The following VPS13D variants were observed in gnomAD, a reference collection of about 807,000 sequenced individuals.
VPS13D encodes the protein intermembrane lipid transfer protein VPS13D.
A neutral mutation model predicts 461.9 loss-of-function variants in VPS13D; 187 were observed. The ratio of observed to expected loss-of-function variants is 0.40; its 90% CI spans 0.36 to 0.46. The LOEUF (loss-of-function observed/expected upper bound fraction) is 0.46, where lower values mean the gene tolerates loss of function less well. Among genes scored for constraint, VPS13D ranks in the 20% least tolerant of loss-of-function variants. The pLI is 0.60. For synonymous variants in VPS13D, 1,951 were observed against 1,986.3 expected (o/e 0.98, Z 0.47); for missense variants, 4,711 against 5,364.9 (o/e 0.88, Z 3.81).
chr1:12,234,393 T>G (rs1294845225), intron 2 of VPS13D, 30 bp downstream of exon 2: 2 of 1,557,584 alleles, frequency 1.3e-6, no homozygotes, highest in Non-Finnish European at 8.8e-7. Flanking sequence ...AGATACAGCT[T>G]TATAGGTGGC....
chr1:12,254,280 A>G (rs560315757), intron 7 of VPS13D, among the ~76,000 whole-genome samples: 124 of 152,236 alleles, frequency 8.1e-4, no homozygotes, highest in Middle Eastern at 3.4e-3. Context: ...TGCTCAAGCA[A>G]TCCTCCTGCT....
chr1:12,322,728 A>C lies in VPS13D; in HGVS notation c.7897A>C (p.Thr2633Pro), dbSNP rs780435604. The change falls in exon 34 of 70, where the codon ACC becomes CCC. Residue 2633 changes from threonine (T) to proline (P), a missense_variant. Physicochemically the swap from Thr to Pro is conservative, Grantham distance 38 (BLOSUM62 -1). Transcript: ENST00000620676. ...GGAAATCAGAGAAGGGACAAGACAC[A>C]CCTTAGATCCTGTCTTGGGTAGGTG... Reference protein sequence around the residue: ...GEEIREGTRHTLDPVLELQLA... With the variant: ...GEEIREGTRHPLDPVLELQLA... 6.2e-7 allele frequency: 1 copy of C among 1,614,104 alleles called. No individual in the cohort carries two copies. Among genetic ancestry groups the C allele is most frequent in the Non-Finnish European group, 8.5e-7 (1 of 1,179,964 alleles).
At chr1:12,477,580 G>A (rs899375988) in intron 67 of VPS13D, among the ~76,000 whole-genome samples, 20 of 152,098 alleles carry the variant, frequency 1.3e-4, no homozygotes, top group African/African-American at 4.8e-4. Context: ...ATGAAGTCCT[G>A]CCCATGTGAG....
chr1:12,410,268 G>A (rs987809055), intron 63 of VPS13D, among the ~76,000 whole-genome samples: 1 of 152,194 alleles, frequency 6.6e-6, no homozygotes, highest in African/African-American at 2.4e-5. Flanking sequence ...TGTGGTACTA[G>A]GGAGATTAAA....
chr1:12,398,309 A>G (rs1303393728), intron 60 of VPS13D, among the ~76,000 whole-genome samples: 2 of 151,310 alleles, frequency 1.3e-5, no homozygotes, highest in Admixed American at 6.6e-5. Context: ...TTTGTATCCC[A>G]CCTCTTCCAC....
chr1:12,334,063 A>T (rs909232447), intron 38 of VPS13D, among the ~76,000 whole-genome samples: 1 of 152,232 alleles, frequency 6.6e-6, no homozygotes, highest in African/African-American at 2.4e-5. Context: ...GCGATAACAC[A>T]TACTATTGCA....
rs1405122808 is a variant in VPS13D at position 12,260,809 on chromosome 1, A to G, written c.1212+15A>G. The G allele has an allele frequency of 2.5e-6, 4 of 1,609,904 alleles. No homozygotes were observed. The Admixed American group carries it at 5.0e-5, about 20-fold the overall frequency. On this transcript the variant is annotated intron_variant, in intron 11 of 69. Transcript: ENST00000620676. ...AACTAGCAGAGGTAAGAAATCCTCT[A>G]CAAGAGGATTTGTTCAGACCCAGCA...
rs1208500294 is a variant in VPS13D, at chr1:12,368,469, G to A, written c.10450G>A (p.Asp3484Asn). The A allele has an allele frequency of 6.2e-7, 1 of 1,610,754 alleles. No homozygotes were observed. The highest frequency in any genetic ancestry group is 1.3e-5 in the African/African-American group (1 of 74,788). Reference protein sequence around the residue: ...KNNSFHINMRDTLGKCFFLRV... With the variant: ...KNNSFHINMRNTLGKCFFLRV... ...CTCTTTTGTTTCCTTGTCCTGCAGG[G>A]ATACCTTGGGAAAATGCTTCTTCCT... is the stretch of plus-strand genomic sequence containing the variant. Residue 3484 changes from aspartate to asparagine, a missense_variant and splice_region_variant, in exon 53 of 70, where the codon GAT becomes AAT. Around this residue, in one of 3 missense-constraint regions of VPS13D, gnomAD observed 4,411 missense variants for 4,937.8 expected, o/e 0.89. Coordinates refer to ENST00000620676, the MANE Select transcript of VPS13D (RefSeq NM_015378.4).
Position 12,304,704 on chromosome 1 carries a change from G to T in VPS13D, c.6415G>T (p.Val2139Phe). The T allele has an allele frequency of 6.2e-7, 1 of 1,613,946 alleles. No homozygotes were observed. Among genetic ancestry groups the T allele is most frequent in the Non-Finnish European group, 8.5e-7 (1 of 1,180,016 alleles). The change falls in exon 26 of 70, where the codon GTT becomes TTT. Residue 2139 changes from valine to phenylalanine, a missense_variant. Physicochemically the swap from Val to Phe is conservative, Grantham distance 50 (BLOSUM62 -1). Transcript: ENST00000620676. Reference sequence around the variant, plus strand: ...GCAAGGGCCGCAACCCACACTGTCTGTTGGCCAAGAGTCCAGTAGTCCAGG... The same window carrying T: ...GCAAGGGCCGCAACCCACACTGTCTTTTGGCCAAGAGTCCAGTAGTCCAGG... ...KQQGPQPTLS[V>F]GQESSSPEDH...
At chr1:12,420,809 T>C (rs1408793049) in intron 65 of VPS13D, among the ~76,000 whole-genome samples, 1 of 152,208 alleles carries the variant, frequency 6.6e-6, no homozygotes, top group Non-Finnish European at 1.5e-5. Context: ...TAACTCCCCC[T>C]GTCACACTGG....
chr1:12,471,842 C>T (rs534303383), intron 67 of VPS13D, among the ~76,000 whole-genome samples: 8 of 151,874 alleles, frequency 5.3e-5, no homozygotes, highest in Non-Finnish European at 8.8e-5. Flanking sequence ...TATGCACATT[C>T]GTAATTTATT....
Position 12,428,710 on chromosome 1 carries a change from C to T in VPS13D, c.12333+11883C>T, listed in dbSNP as rs182827336. On this transcript the variant is annotated intron_variant, in intron 65 of 69. Coordinates refer to ENST00000620676, the MANE Select transcript of VPS13D (RefSeq NM_015378.4). ...CCCATGGCCCCGTGTGCTTCCATTACAGCAGGCACCAGATTTTACCTTGAA... is the reference window on the plus strand; with the variant it reads ...CCCATGGCCCCGTGTGCTTCCATTATAGCAGGCACCAGATTTTACCTTGAA... Among the ~76,000 whole-genome samples, 81 of 152,328 alleles carry T rather than the reference C, an allele frequency of 5.3e-4. 1 individual carries two copies. In the East Asian group the frequency reaches 0.015, roughly 28 times the overall value.
intron 40 of VPS13D, 55 bp from the exon 41 acceptor site, chr1:12,341,725 G>A (rs1332239642): frequency 6.5e-7 from 1 of 1,540,798 alleles, no homozygotes; most frequent in Admixed American, 1.7e-5. Flanking sequence ...TTGGGGGAGG[G>A]TCTCTGCCAT....
intron 67 of VPS13D, among the ~76,000 whole-genome samples, chr1:12,481,901 C>T (rs1051047621): frequency 3.9e-5 from 6 of 152,164 alleles, no homozygotes; most frequent in Non-Finnish European, 2.9e-5. Flanking sequence ...CATTGAGTAC[C>T]CCTGTCTGCA....
intron 20 of VPS13D, among the ~76,000 whole-genome samples, chr1:12,281,206 A>G (rs901028113): frequency 1.4e-4 from 21 of 152,346 alleles, no homozygotes; most frequent in African/African-American, 5.1e-4. Flanking sequence ...TACAAAATTA[A>G]TGAGCATTCT....
In VPS13D at chr1:12,348,956, GC is replaced by G; in HGVS notation, c.9206del (p.Pro3069HisfsTer51). The G allele has an allele frequency of 6.2e-7, 1 of 1,614,166 alleles. No individual in the cohort carries two copies. Among genetic ancestry groups the G allele is most frequent in the Non-Finnish European group, 8.5e-7 (1 of 1,180,028 alleles). The stretch of plus-strand genomic sequence containing the variant: ...ACACCAATGGAACTAAGACTGGATA[GC>G]CCATCAGCTCCAGACAGTATGTTTT... ...LETPMELRLDSPSAPDKPVVL... is the reference protein window; with the variant it reads ...LETPMELRLDXPSAPDKPVVL... On this transcript the variant is annotated frameshift_variant, in exon 45 of 70. Transcript: ENST00000620676. LOFTEE classifies it high-confidence loss of function.
intron 60 of VPS13D, among the ~76,000 whole-genome samples, chr1:12,396,746 A>G (rs543964553): frequency 6.6e-6 from 1 of 152,294 alleles, no homozygotes; most frequent in African/African-American, 2.4e-5. Context: ...TTTATTATAT[A>G]TCACGAATAA....
Position 12,277,461 on chromosome 1 carries a change from A to C in VPS13D, c.3873A>C (p.Leu1291Phe). ...TTCTCAACCTGAAGATGGCTTCTTT[A>C]CATTATAACCACTCTGCTAAGTTTT... is the stretch of plus-strand genomic sequence containing the variant. Reference protein sequence around the residue: ...ECFLNLKMASLHYNHSAKFLK... With the variant: ...ECFLNLKMASFHYNHSAKFLK... Residue 1291 changes from leucine (L) to phenylalanine (F), a missense_variant, in exon 19 of 70, where the codon TTA (leucine) becomes TTC (phenylalanine). Physicochemically the swap from Leu to Phe is conservative, Grantham distance 22 (BLOSUM62 0). Around this residue, in one of 3 missense-constraint regions of VPS13D, gnomAD observed 4,411 missense variants for 4,937.8 expected, o/e 0.89. Coordinates refer to ENST00000620676, the MANE Select transcript of VPS13D (RefSeq NM_015378.4). 1 of 1,614,192 alleles carries C rather than the reference A, an allele frequency of 6.2e-7. No homozygotes were observed. The highest frequency in any genetic ancestry group is 8.5e-7 in the Non-Finnish European group (1 of 1,180,032).
intron 67 of VPS13D, among the ~76,000 whole-genome samples, chr1:12,482,922 T>C (rs1032085102): frequency 6.6e-6 from 1 of 152,154 alleles, no homozygotes; most frequent in African/African-American, 2.4e-5. Context: ...ATTTACATAA[T>C]ATTATAATAC....
Sources: allele counts gnomAD v4.1 joint callset (sites outside exome capture counted in the v4.1 genomes callset), GRCh38; gene constraint gnomAD v4.1.1; regional missense constraint gnomAD v4.1.1; transcripts MANE v1.5; gene names NCBI Gene and HGNC (gene_info 2026-07-23, HGNC 2026-07-21).